Variants in ROBO2 observed in about 807,000 individuals in gnomAD.
ROBO2 encodes roundabout homolog 2.
In ROBO2, 53 loss-of-function variants were observed where a neutral mutation model predicts 160.8. The ratio of observed to expected loss-of-function variants is 0.33; its 90% confidence interval spans 0.26 to 0.41. ROBO2 has a LOEUF of 0.41. Ranked by LOEUF, ROBO2 falls within the 10% of genes least tolerant of loss-of-function variation. The pLI is 1.00. For synonymous variants in ROBO2, 664 were observed against 611.7 expected (o/e 1.09, Z -1.26); for missense variants, 1,577 against 1,722.4 (o/e 0.92, Z 1.49).
intron 1 of ROBO2, among the ~76,000 whole-genome samples, chr3:77,063,273 C>T (rs1015565810): frequency 3.3e-5 from 5 of 152,132 alleles, no homozygotes; most frequent in South Asian, 2.1e-4. Flanking sequence ...GAGGAGTGTA[C>T]GTGTCTGTTT....
chr3:76,671,338 G>A (rs1435192467), intron 2 of ROBO2, among the ~76,000 whole-genome samples: 1 of 152,020 alleles, frequency 6.6e-6, no homozygotes, highest in Non-Finnish European at 1.5e-5. Context: ...AATAACGCTG[G>A]CCTTCTCCCC....
chr3:77,613,681 A>G (rs1365538635), intron 21 of ROBO2, among the ~76,000 whole-genome samples: 1 of 152,190 alleles, frequency 6.6e-6, no homozygotes, highest in African/African-American at 2.4e-5. Context: ...ACATACGCGT[A>G]TGACTTACTC....
At chr3:76,205,507 C>T (rs983474246) in intron 2 of ROBO2, among the ~76,000 whole-genome samples, 5 of 152,072 alleles carry the variant, frequency 3.3e-5, no homozygotes, top group African/African-American at 9.7e-5. Context: ...AGTTACAGCT[C>T]GTCTGTATAG....
At chr3:76,398,357 G>A (rs999710831) in intron 2 of ROBO2, among the ~76,000 whole-genome samples, 26 of 151,400 alleles carry the variant, frequency 1.7e-4, no homozygotes, top group Non-Finnish European at 3.0e-4. Flanking sequence ...GATAGCATTA[G>A]GAGATATACC....
chr3:77,075,009 C>T (rs1340738866), intron 1 of ROBO2, among the ~76,000 whole-genome samples: 1 of 152,082 alleles, frequency 6.6e-6, no homozygotes, highest in Non-Finnish European at 1.5e-5. Flanking sequence ...AATTTTGTAG[C>T]TGGAAAGTTG....
chr3:76,300,944 T>C (rs1009610566), intron 2 of ROBO2, among the ~76,000 whole-genome samples: 1 of 152,056 alleles, frequency 6.6e-6, no homozygotes, highest in East Asian at 1.9e-4. Flanking sequence ...ATACTCTTTA[T>C]CTAAGCAATG....
At chr3:76,155,421 A>T (rs915137363) in intron 2 of ROBO2, among the ~76,000 whole-genome samples, 2 of 152,190 alleles carry the variant, frequency 1.3e-5, no homozygotes, top group African/African-American at 4.8e-5. Context: ...AAAGAAAAAA[A>T]TGGAGAGAAA....
At chr3:77,604,221 T>C (rs1323908149) in intron 20 of ROBO2, among the ~76,000 whole-genome samples, 1 of 152,184 alleles carries the variant, frequency 6.6e-6, no homozygotes, top group Non-Finnish European at 1.5e-5. Flanking sequence ...GGTTTAATAA[T>C]ATAGGAGAAC....
chr3:77,160,672 T>A (rs2078407834), intron 2 of ROBO2, among the ~76,000 whole-genome samples: 1 of 152,166 alleles, frequency 6.6e-6, no homozygotes, highest in Non-Finnish European at 1.5e-5. Context: ...CCATGCAGTT[T>A]AGATGTGAGC....
At chr3:76,073,113 G>C (rs2068516707) in intron 2 of ROBO2, among the ~76,000 whole-genome samples, 1 of 152,002 alleles carries the variant, frequency 6.6e-6, no homozygotes, top group Non-Finnish European at 1.5e-5. Flanking sequence ...TACTGCTCTT[G>C]TATCGTGGCT....
intron 2 of ROBO2, among the ~76,000 whole-genome samples, chr3:77,400,440 G>T (rs1346792931): frequency 2.6e-5 from 4 of 152,144 alleles, no homozygotes; most frequent in Non-Finnish European, 5.9e-5. Flanking sequence ...CTTTTGGGGG[G>T]CCTTTTAAAG....
At chr3:76,364,592 C>T (rs938844305) in intron 2 of ROBO2, among the ~76,000 whole-genome samples, 1 of 151,694 alleles carries the variant, frequency 6.6e-6, no homozygotes, top group Non-Finnish European at 1.5e-5. Flanking sequence ...AAAAATATAC[C>T]TGGACTAGTA....
At chr3:77,109,500 G>A (rs1448786035) in intron 2 of ROBO2, among the ~76,000 whole-genome samples, 2 of 152,212 alleles carry the variant, frequency 1.3e-5, no homozygotes, top group Non-Finnish European at 2.9e-5. Flanking sequence ...TGTGGTATAT[G>A]TGAGAGTGAG....
At chr3:77,128,314 G>A (rs796353233) in intron 2 of ROBO2, among the ~76,000 whole-genome samples, 1 of 152,076 alleles carries the variant, frequency 6.6e-6, no homozygotes, top group Non-Finnish European at 1.5e-5. Context: ...TTCTAGGGGC[G>A]CTATCCTCTC....
At chr3:76,169,342 C>T (rs1023768900) in intron 2 of ROBO2, among the ~76,000 whole-genome samples, 1 of 152,116 alleles carries the variant, frequency 6.6e-6, no homozygotes, top group African/African-American at 2.4e-5. Context: ...TTCCAGCACC[C>T]ACTGACAACA....
At chr3:77,373,423 T>C (rs7618772) in intron 2 of ROBO2, among the ~76,000 whole-genome samples, 124,495 of 151,644 alleles carry the variant, frequency 0.82, 51,374 homozygotes, top group East Asian at 1. Context: ...TCTATGTAAA[T>C]GTATATCTGT....
At chr3:76,698,376 G>A (rs1379017049) in intron 2 of ROBO2, among the ~76,000 whole-genome samples, 1 of 152,206 alleles carries the variant, frequency 6.6e-6, no homozygotes. Context: ...GATAGTGACA[G>A]TGGTGTGTTT....
intron 2 of ROBO2, among the ~76,000 whole-genome samples, chr3:77,239,112 C>A (rs1410211786): frequency 6.6e-6 from 1 of 152,132 alleles, no homozygotes; most frequent in African/African-American, 2.4e-5. Context: ...CTTGGTCTCG[C>A]TGACTTCAAG....
In ROBO2 at chr3:76,852,258, G is replaced by A. The variant is rs141723794; in HGVS notation, c.110-245756G>A. On this transcript the variant is annotated intron_variant, in intron 2 of 26. Transcript: ENST00000487694. ...CATACTTGTTACAGATTATTCTTCT[G>A]CATCATACCTTCTGAATATGGACTT... 5.6e-3 allele frequency among the ~76,000 whole-genome samples: 851 copies of A among 152,222 alleles called. 7 individuals carry two copies. The highest frequency in any genetic ancestry group is 0.02 in the African/African-American group (817 of 41,530).
Sources: gnomAD v4.1 joint callset for allele counts (sites outside exome capture counted in the v4.1 genomes callset) on GRCh38, gnomAD v4.1.1 for gene constraint, MANE v1.5 for transcripts, NCBI Gene and HGNC (gene_info 2026-07-23, HGNC 2026-07-21) for gene names.